The following MAP3K19 variants were observed in gnomAD, a reference collection of about 807,000 sequenced individuals.
MAP3K19 encodes SPS1/STE20-related protein kinase YSK4.
MAP3K19 carries 91 observed loss-of-function variants against 114.4 expected under a neutral mutation model. That is an observed-to-expected ratio of 0.80 (90% CI 0.67 to 0.95). The LOEUF is 0.95. MAP3K19 is among the 40% of genes least tolerant of loss of function. The probability of loss-of-function intolerance (pLI) is 0.00; values close to 1 mark genes in which losing one functional copy is unlikely to be tolerated. For missense variants in MAP3K19, 1,471 were observed against 1,573.2 expected, an observed-to-expected ratio of 0.94 and a Z score of 1.10; for synonymous variants, 518 against 530.5, an observed-to-expected ratio of 0.98 and a Z score of 0.32.
intron 2 of MAP3K19, among the ~76,000 whole-genome samples, chr2:135,031,693 A>G (rs1688383835): frequency 6.6e-6 from 1 of 152,240 alleles, no homozygotes; most frequent in Non-Finnish European, 1.5e-5. Flanking sequence ...GGACTACCAC[A>G]GTGGCCTCAT....
chr2:134,990,460 G>GT (rs112948807), intron 9 of MAP3K19, among the ~76,000 whole-genome samples: 18,456 of 145,582 alleles, frequency 0.13, 1,293 homozygotes, highest in Admixed American at 0.18. Flanking sequence ...TTCTTTTTTT[G>GT]TTTTTTTTTT....
At position 134,999,844 on chromosome 2, in the gene MAP3K19, T is replaced by C; in HGVS notation, c.314+93A>G. ...TGTGACCTCTACTTTTAAGCATTAT[T>C]ATGGATTCAATTACTAATAATGTAG... On this transcript the variant is annotated intron_variant, in intron 7 of 12. Coordinates refer to ENST00000392915, the MANE Select transcript of MAP3K19 (RefSeq NM_025052.5). This position sits in a 1 kb window ranked among gnomAD's most constrained non-coding sequence, Gnocchi z 4.1. The C allele has an allele frequency of 1.2e-6, 1 of 853,360 alleles. No homozygotes were observed. Among genetic ancestry groups the C allele is most frequent in the Non-Finnish European group, 2.0e-6 (1 of 506,912 alleles). The allele number at this position is 853,360 out of a possible 1,614,324, so 52.9% of individuals were successfully genotyped here.
intron 12 of MAP3K19, among the ~76,000 whole-genome samples, chr2:134,967,353 G>C (rs1439185271): frequency 2.0e-5 from 3 of 152,216 alleles, no homozygotes; most frequent in African/African-American, 4.8e-5. Flanking sequence ...AAAGGGTCTG[G>C]CTGAGGTGGA....
intron 12 of MAP3K19, among the ~76,000 whole-genome samples, chr2:134,971,128 G>C (rs532490883): frequency 4.6e-5 from 7 of 152,266 alleles, no homozygotes; most frequent in African/African-American, 1.7e-4. Context: ...TATCACAAAG[G>C]GATGTTGGAT....
chr2:135,036,225 C>T (rs1423865270), intron 2 of MAP3K19, among the ~76,000 whole-genome samples: 1 of 152,056 alleles, frequency 6.6e-6, no homozygotes, highest in Non-Finnish European at 1.5e-5. Context: ...TAAATACAAC[C>T]ACATCATTAA....
In MAP3K19 at chr2:135,034,293, G is replaced by A. The variant is rs375489869; in HGVS notation, c.-283-3793C>T. Among the ~76,000 whole-genome samples, 2 of 128,866 alleles carry A rather than the reference G, an allele frequency of 1.6e-5. 1 individual carries two copies. The highest frequency in any genetic ancestry group is 7.3e-5 in the African/African-American group (2 of 27,572). 84.5% of individuals were successfully genotyped at this position (128,866 alleles called of 152,430 possible). On this transcript the variant is annotated intron_variant, in intron 2 of 12. Transcript: ENST00000392915. ...CCCCTCACTTCCCAGACGGGATGGC[G>A]GCCGGGAAGAGGCACTCCTCACTTT... is the stretch of plus-strand genomic sequence containing the variant.
intron 5 of MAP3K19, 41 bp from the exon 6 acceptor site, chr2:135,005,572 C>T (rs556360559): frequency 4.7e-6 from 7 of 1,476,206 alleles, no homozygotes; most frequent in South Asian, 4.6e-5. Flanking sequence ...ATTAGTTATT[C>T]GATGTACCAG....
At chr2:134,971,979 T>C (rs1469772615) in intron 12 of MAP3K19, among the ~76,000 whole-genome samples, 1 of 152,030 alleles carries the variant, frequency 6.6e-6, no homozygotes, top group African/African-American at 2.4e-5. Flanking sequence ...AGGTACATGG[T>C]GTATATATTT....
chr2:134,990,634 G>A (rs1685501160), intron 9 of MAP3K19, among the ~76,000 whole-genome samples: 1 of 151,840 alleles, frequency 6.6e-6, no homozygotes, highest in Non-Finnish European at 1.5e-5. Flanking sequence ...CCGCCACCAT[G>A]CCCAGCTAAT....
intron 2 of MAP3K19, among the ~76,000 whole-genome samples, chr2:135,036,295 A>G (rs1234661514): frequency 1.3e-5 from 2 of 152,190 alleles, no homozygotes; most frequent in East Asian, 3.8e-4. Context: ...CAAAGTACTA[A>G]TAACAATTTG....
At chr2:135,030,827 C>T (rs777788988) in intron 2 of MAP3K19, among the ~76,000 whole-genome samples, 10 of 152,198 alleles carry the variant, frequency 6.6e-5, no homozygotes, top group Middle Eastern at 6.8e-3. Context: ...GAGGTTGAGG[C>T]GGGAGGATCA....
chr2:135,012,829 T>C (rs1452375122), intron 5 of MAP3K19, among the ~76,000 whole-genome samples: 1 of 152,216 alleles, frequency 6.6e-6, no homozygotes, highest in Non-Finnish European at 1.5e-5. Context: ...CAATAGTCAA[T>C]GGCTAATTTT....
At chr2:135,010,928 G>C (rs551618305) in intron 5 of MAP3K19, among the ~76,000 whole-genome samples, 2 of 152,200 alleles carry the variant, frequency 1.3e-5, no homozygotes, top group East Asian at 3.9e-4. Flanking sequence ...ACCATATCCA[G>C]CCTATGATAA....
intron 11 of MAP3K19, among the ~76,000 whole-genome samples, chr2:134,981,869 A>C (rs924029969): frequency 6.1e-5 from 9 of 148,750 alleles, no homozygotes; most frequent in African/African-American, 2.2e-4. Flanking sequence ...CTTGCCTCAG[A>C]GATTTCTTTT....
intron 5 of MAP3K19, among the ~76,000 whole-genome samples, chr2:135,010,511 C>T (rs911098477): frequency 5.9e-5 from 9 of 152,252 alleles, no homozygotes; most frequent in African/African-American, 1.9e-4. Context: ...TTGACAACAC[C>T]ACGGGAGCTG....
intron 12 of MAP3K19, among the ~76,000 whole-genome samples, chr2:134,977,692 T>C (rs1196721803): frequency 6.6e-6 from 1 of 152,054 alleles, no homozygotes; most frequent in Non-Finnish European, 1.5e-5. Flanking sequence ...AAACAGGGTC[T>C]CCCTATGTTG....
chr2:134,988,756 C>T (rs1340588703), intron 9 of MAP3K19, among the ~76,000 whole-genome samples: 1 of 151,926 alleles, frequency 6.6e-6, no homozygotes, highest in Non-Finnish European at 1.5e-5. Flanking sequence ...TAAAACAACA[C>T]GTTTTAAAAC....
At position 134,999,848 on chromosome 2, in the gene MAP3K19, G is replaced by A. The variant is rs1686309678; in HGVS notation, c.314+89C>T. The A allele has an allele frequency of 8.1e-6, 7 of 865,026 alleles. No homozygotes were observed. Among genetic ancestry groups the A allele is most frequent in the Non-Finnish European group, 1.2e-5 (6 of 515,050 alleles). The allele number at this position is 865,026 out of a possible 1,614,324, so 53.6% of individuals were successfully genotyped here. On this transcript the variant is annotated intron_variant, in intron 7 of 12. Coordinates refer to ENST00000392915, the MANE Select transcript of MAP3K19 (RefSeq NM_025052.5). This position sits in a 1 kb window ranked among gnomAD's most constrained non-coding sequence, Gnocchi z 4.1. ...ACCTCTACTTTTAAGCATTATTATGGATTCAATTACTAATAATGTAGGTTG... is the reference window on the plus strand; with the variant it reads ...ACCTCTACTTTTAAGCATTATTATGAATTCAATTACTAATAATGTAGGTTG...
intron 10 of MAP3K19, 148 bp downstream of exon 10, chr2:134,985,652 C>A: frequency 1.5e-6 from 1 of 682,120 alleles, no homozygotes; most frequent in South Asian, 3.1e-5. Flanking sequence ...GACCTGATTT[C>A]CAACCTTGTG....
Sources: gnomAD v4.1 joint callset for allele counts (sites outside exome capture counted in the v4.1 genomes callset) on GRCh38, gnomAD v4.1.1 for gene constraint, Gnocchi (gnomAD v3.1) non-coding constraint, MANE v1.5 for transcripts, NCBI Gene and HGNC (gene_info 2026-07-23, HGNC 2026-07-21) for gene names.